The following KAZN variants were observed in gnomAD, a reference collection of about 807,000 sequenced individuals.
KAZN encodes kazrin.
KAZN carries 40 observed loss-of-function variants against 87.4 expected under a neutral mutation model. That is an observed-to-expected ratio of 0.46 (90% CI 0.36 to 0.60). The LOEUF (loss-of-function observed/expected upper bound fraction) is 0.60, where lower values mean the gene tolerates loss of function less well. KAZN is among the 20% of genes least tolerant of loss of function. The pLI is 0.00. For missense variants in KAZN, 898 were observed against 1,073.9 expected, an observed-to-expected ratio of 0.84 and a Z score of 2.29; for synonymous variants, 466 against 458.3, an observed-to-expected ratio of 1.02 and a Z score of -0.22.
chr1:15,111,133 C>G (rs974736005), intron 13 of KAZN, among the ~76,000 whole-genome samples: 1 of 152,146 alleles, frequency 6.6e-6, no homozygotes, highest in Non-Finnish European at 1.5e-5. Flanking sequence ...AGTTTGAGAA[C>G]GTAGCTCATT....
At chr1:14,692,876 T>C (rs1194897634) in intron 1 of KAZN, among the ~76,000 whole-genome samples, 1 of 152,196 alleles carries the variant, frequency 6.6e-6, no homozygotes, top group Admixed American at 6.5e-5. Flanking sequence ...GAGGTTGCAG[T>C]AAGCTGAGAT....
intron 2 of KAZN, among the ~76,000 whole-genome samples, chr1:14,440,624 T>C (rs1666646317): frequency 6.6e-6 from 1 of 152,208 alleles, no homozygotes; most frequent in Non-Finnish European, 1.5e-5. Flanking sequence ...CTACATAATT[T>C]GCAGGGGTCC....
intron 2 of KAZN, among the ~76,000 whole-genome samples, chr1:14,998,447 G>T (rs975701006): frequency 1.3e-5 from 2 of 152,158 alleles, no homozygotes; most frequent in Non-Finnish European, 2.9e-5. Flanking sequence ...GTTCCTCTGG[G>T]TGCAGCACTG....
intron 1 of KAZN, among the ~76,000 whole-genome samples, chr1:14,819,515 A>G (rs1290797386): frequency 6.6e-6 from 1 of 152,012 alleles, no homozygotes; most frequent in Non-Finnish European, 1.5e-5. Context: ...GGTTTTCCCA[A>G]AAAACGAAGA....
chr1:14,843,418 A>T (rs1313231031), intron 1 of KAZN, among the ~76,000 whole-genome samples: 1 of 152,190 alleles, frequency 6.6e-6, no homozygotes, highest in African/African-American at 2.4e-5. Context: ...AGAAGCCAAG[A>T]GGAGTAGTTT....
At position 14,205,884 on chromosome 1, in the gene KAZN, C is replaced by CAAAAAAAAAAAAAAAAAAA. The variant is rs70997121; in HGVS notation, c.249+25296_249+25314dup. Among the ~76,000 whole-genome samples, 51 of 35,214 alleles carry CAAAAAAAAAAAAAAAAAAA rather than the reference C, an allele frequency of 1.4e-3. 15 individuals are homozygous for CAAAAAAAAAAAAAAAAAAA. Among genetic ancestry groups the CAAAAAAAAAAAAAAAAAAA allele is most frequent in the Middle Eastern group, 0.045 (1 of 22 alleles). The allele number at this position is 35,214 out of a possible 152,430, so 23.1% of individuals were successfully genotyped here. A position where few individuals can be genotyped will look rare whatever the true frequency, so the allele number is the denominator to read the frequency against. ...CAGGCGACAGAGCAAGACACTGTCT[C>CAAAAAAAAAAAAAAAAAAA]AAAAAAAAAAAAAAAAAAAAAAGCT... is the stretch of plus-strand genomic sequence containing the variant. On this transcript the variant is annotated intron_variant, in intron 2 of 16. Coordinates refer to the KAZN transcript ENST00000636203.
chr1:14,636,635 T>TGACA (rs58139214), intron 1 of KAZN, among the ~76,000 whole-genome samples: 12,773 of 152,128 alleles, frequency 0.084, 885 homozygotes, highest in African/African-American at 0.18. Context: ...TTCCTCCACC[T>TGACA]GACAGGGAAA....
At chr1:15,018,184 G>A (rs1220724601) in intron 2 of KAZN, among the ~76,000 whole-genome samples, 1 of 152,112 alleles carries the variant, frequency 6.6e-6, no homozygotes, top group East Asian at 1.9e-4. Context: ...CTATGAGATA[G>A]TTTATCAGTC....
chr1:13,893,608 G>C (rs1638919787), exon 1 of KAZN: 2 of 1,535,190 alleles, frequency 1.3e-6, no homozygotes, highest in Admixed American at 2.1e-5. Context: ...CCTTTGCTCT[G>C]ACACTCCAAG....
chr1:14,598,405 G>C (rs571363097), upstream of KAZN, among the ~76,000 whole-genome samples: 1 of 152,068 alleles, frequency 6.6e-6, no homozygotes, highest in Non-Finnish European at 1.5e-5. This position sits in a 1 kb window ranked among gnomAD's most constrained non-coding sequence, Gnocchi z 4.2. Context: ...ACCTTAGCAC[G>C]GCTCGGGGCA....
chr1:14,456,290 C>T lies in KAZN; in HGVS notation c.250-142693C>T, dbSNP rs6667409. ...TCAGATTTCGTGATAATTACATGTT[C>T]ATTAAAGTCTTTTCTGATAGCCTGG... On this transcript the variant is annotated intron_variant, in intron 2 of 16. Coordinates refer to the KAZN transcript ENST00000636203. Among the ~76,000 whole-genome samples the T allele has an allele frequency of 7.3e-3, 1,113 of 152,262 alleles. 19 individuals are homozygous for T. The highest frequency in any genetic ancestry group is 0.025 in the African/African-American group (1,053 of 41,544).
chr1:14,922,898 C>CG (rs1053198285), intron 1 of KAZN, among the ~76,000 whole-genome samples: 4 of 151,038 alleles, frequency 2.6e-5, no homozygotes, highest in African/African-American at 9.8e-5. Context: ...GATGCGGGGG[C>CG]GGGGGGAAGC....
chr1:14,886,567 G>A (rs185695344), intron 1 of KAZN, among the ~76,000 whole-genome samples: 12 of 152,240 alleles, frequency 7.9e-5, no homozygotes, highest in East Asian at 5.8e-4. Flanking sequence ...TGAGGCAGGC[G>A]GATCACCTGA....
At chr1:14,793,085 G>C (rs990221327) in intron 1 of KAZN, among the ~76,000 whole-genome samples, 1 of 152,152 alleles carries the variant, frequency 6.6e-6, no homozygotes, top group African/African-American at 2.4e-5. Flanking sequence ...ATGTTAAGGC[G>C]GTGGAGGCCA....
intron 1 of KAZN, among the ~76,000 whole-genome samples, chr1:14,102,451 A>G (rs1394823442): frequency 4.0e-5 from 6 of 151,650 alleles, no homozygotes; most frequent in African/African-American, 1.5e-4. Context: ...ATCTGATAGA[A>G]AGAACCTGGG....
In KAZN at chr1:14,621,740, T is replaced by C. The variant is rs113764501; in HGVS notation, c.226+22517T>C. ...ATGGTTTTATAAAGGGGAATTCCCC[T>C]GCACAAACTCTGTTGTTTGCCGCCA... is the stretch of plus-strand genomic sequence containing the variant. On this transcript the variant is annotated intron_variant, in intron 1 of 14. Coordinates refer to ENST00000376030, the MANE Select transcript of KAZN (RefSeq NM_201628.3). Among the ~76,000 whole-genome samples the C allele has an allele frequency of 5.0e-3, 755 of 152,340 alleles. 1 individual carries two copies. The highest frequency in any genetic ancestry group is 9.0e-3 in the Admixed American group (138 of 15,302).
At chr1:14,663,875 A>G (rs2310877) in intron 1 of KAZN, among the ~76,000 whole-genome samples, 31,277 of 152,236 alleles carry the variant, frequency 0.21, 3,345 homozygotes, top group South Asian at 0.28. Flanking sequence ...CACCAACTTC[A>G]TACTAGTGTT....
chr1:14,426,279 G>A (rs116382785), intron 2 of KAZN, among the ~76,000 whole-genome samples: 542 of 152,182 alleles, frequency 3.6e-3, no homozygotes, highest in African/African-American at 0.012. Flanking sequence ...CTGCAGAAAG[G>A]CCTGCCCTGA....
chr1:14,789,190 C>T (rs192168854), intron 1 of KAZN, among the ~76,000 whole-genome samples: 7 of 152,286 alleles, frequency 4.6e-5, no homozygotes, highest in Admixed American at 6.5e-5. Context: ...GACAGGAGGA[C>T]GCCAGGAATC....
Sources: gnomAD v4.1 joint callset for allele counts (sites outside exome capture counted in the v4.1 genomes callset) on GRCh38, gnomAD v4.1.1 for gene constraint, Gnocchi (gnomAD v3.1) non-coding constraint, MANE v1.5 for transcripts, NCBI Gene and HGNC (gene_info 2026-07-23, HGNC 2026-07-21) for gene names.